NCAM1: variants seen among roughly 807,000 people sequenced by gnomAD.
The protein encoded by NCAM1 is antigen recognized by monoclonal antibody 5.1H11.
NCAM1 carries 14 observed loss-of-function variants against 109.8 expected under a neutral mutation model. The observed-to-expected ratio is 0.13, with a 90% CI of 0.08 to 0.20. NCAM1 has a LOEUF of 0.20. Among genes scored for constraint, NCAM1 ranks in the 10% least tolerant of loss-of-function variants. The pLI, the probability that NCAM1 is intolerant of heterozygous loss-of-function variation, is 1.00. For synonymous variants in NCAM1, 418 were observed against 442.9 expected, an observed-to-expected ratio of 0.94 and a Z score of 0.70; for missense variants, 774 against 1,109.9, an observed-to-expected ratio of 0.70 and a Z score of 4.30.
At chr11:112,989,794 A>T (rs1263625960) in intron 1 of NCAM1, among the ~76,000 whole-genome samples, 3 of 152,152 alleles carry the variant, frequency 2.0e-5, no homozygotes, top group Non-Finnish European at 4.4e-5. Context: ...TATTAGACAA[A>T]ATTATTTAAA....
At chr11:113,221,519 C>A in intron 9 of NCAM1, 194 bp downstream of exon 9, 1 of 518,720 alleles carries the variant, frequency 1.9e-6, no homozygotes, top group Non-Finnish European at 3.4e-6. Flanking sequence ...AGTGGATGAA[C>A]AAATCCATAT....
Position 113,207,874 on chromosome 11 carries a change from A to T in NCAM1, c.788A>T (p.Tyr263Phe), listed in dbSNP as rs782373369. 1.2e-6 allele frequency: 2 copies of T among 1,611,658 alleles called. No individual in the cohort carries two copies. Among genetic ancestry groups the T allele is most frequent in the Non-Finnish European group, 1.7e-6 (2 of 1,178,964 alleles). Residue 263 changes from tyrosine to phenylalanine, a missense_variant, in exon 7 of 20, where the codon TAC (tyrosine) becomes TTC (phenylalanine). By Grantham distance (22) the Tyr-to-Phe change is conservative. This residue lies in a region of NCAM1 where 523 missense variants were observed against 784.2 expected (regional missense o/e 0.67). Coordinates refer to ENST00000316851, the MANE Select transcript of NCAM1 (RefSeq NM_181351.5). ...QIEQEEDDEK[Y>F]IFSDDSSQLT... Reference sequence around the variant, plus strand: ...GAGCAAGAGGAAGACGATGAGAAGTACATCTTCAGCGACGATAGTTCCCAG... The same window carrying T: ...GAGCAAGAGGAAGACGATGAGAAGTTCATCTTCAGCGACGATAGTTCCCAG...
intron 1 of NCAM1, among the ~76,000 whole-genome samples, chr11:113,122,160 C>T (rs535697549): frequency 6.6e-6 from 1 of 152,198 alleles, no homozygotes; most frequent in Non-Finnish European, 1.5e-5. Context: ...CCTGTTCAAT[C>T]TCTAGGTCCT....
At chr11:113,264,900 G>A in intron 17 of NCAM1, 2 of 985,612 alleles carry the variant, frequency 2.0e-6, no homozygotes, top group Non-Finnish European at 2.4e-6. Flanking sequence ...AGTTCCTGGT[G>A]ACAGCTGCAG....
At chr11:112,996,767 G>T (rs1555071490) in intron 1 of NCAM1, among the ~76,000 whole-genome samples, 2 of 152,100 alleles carry the variant, frequency 1.3e-5, no homozygotes, top group East Asian at 3.8e-4. Flanking sequence ...CCCCTAGTTT[G>T]CTACTTTTAG....
intron 1 of NCAM1, among the ~76,000 whole-genome samples, chr11:113,026,811 C>G (rs1952559698): frequency 1.3e-5 from 2 of 152,262 alleles, no homozygotes; most frequent in South Asian, 4.2e-4. Flanking sequence ...CCATGCTGAG[C>G]TGGACGTTTT....
chr11:113,221,390 G>A, intron 9 of NCAM1, 65 bp downstream of exon 9: 1 of 1,498,648 alleles, frequency 6.7e-7, no homozygotes, highest in Non-Finnish European at 9.1e-7. Flanking sequence ...ACTCACCATT[G>A]CAGTTTAATA....
At chr11:113,178,665 A>C (rs1943241998) in intron 1 of NCAM1, among the ~76,000 whole-genome samples, 1 of 152,206 alleles carries the variant, frequency 6.6e-6, no homozygotes, top group African/African-American at 2.4e-5. Context: ...GTTAGGAGGA[A>C]AAGCTCATTG....
At chr11:113,239,028 G>A (rs912243762) in intron 14 of NCAM1, among the ~76,000 whole-genome samples, 4 of 152,200 alleles carry the variant, frequency 2.6e-5, no homozygotes, top group African/African-American at 9.6e-5. Context: ...ACCTTTCCAT[G>A]TTTAGGGACA....
At chr11:112,979,520 A>G (rs1285001772) in intron 1 of NCAM1, among the ~76,000 whole-genome samples, 1 of 151,846 alleles carries the variant, frequency 6.6e-6, no homozygotes, top group Admixed American at 6.6e-5. Context: ...ATAGAAAAAA[A>G]GAAACTGGTT....
chr11:113,058,080 C>G (rs144544343), intron 1 of NCAM1, among the ~76,000 whole-genome samples: 2,028 of 152,056 alleles, frequency 0.013, 42 homozygotes, highest in African/African-American at 0.046. Context: ...GCCACGAGTT[C>G]GAGACCAGCC....
At chr11:112,990,853 C>T (rs915904651) in intron 1 of NCAM1, among the ~76,000 whole-genome samples, 14 of 152,126 alleles carry the variant, frequency 9.2e-5, no homozygotes, top group African/African-American at 3.4e-4. Context: ...TTCTCCTAGG[C>T]CTTGTGCTCC....
chr11:113,141,350 G>T (rs1001001589), intron 1 of NCAM1, among the ~76,000 whole-genome samples: 2 of 152,192 alleles, frequency 1.3e-5, no homozygotes, highest in Non-Finnish European at 2.9e-5. Flanking sequence ...TAGTGAAGCT[G>T]GCCGGGTGCA....
intron 1 of NCAM1, among the ~76,000 whole-genome samples, chr11:113,109,016 C>T (rs545996254): frequency 1.3e-5 from 2 of 149,758 alleles, no homozygotes; most frequent in Admixed American, 6.6e-5. Context: ...CTTGGGCCAC[C>T]GGGCCTGGCT....
intron 1 of NCAM1, among the ~76,000 whole-genome samples, chr11:113,015,232 G>A: frequency 6.6e-6 from 1 of 152,120 alleles, no homozygotes; most frequent in East Asian, 1.9e-4. Context: ...TTGTGCTCTG[G>A]GCCATGTCAC....
At chr11:113,169,062 G>C (rs868917831) in intron 1 of NCAM1, among the ~76,000 whole-genome samples, 1 of 149,412 alleles carries the variant, frequency 6.7e-6, no homozygotes, top group African/African-American at 2.5e-5. Context: ...GTGTGTGTGT[G>C]TGTGTGTGTC....
chr11:113,227,314 A>G (rs1233885659), intron 9 of NCAM1, among the ~76,000 whole-genome samples: 1 of 152,136 alleles, frequency 6.6e-6, no homozygotes, highest in Non-Finnish European at 1.5e-5. Flanking sequence ...CTCTATGCAA[A>G]TAAACTAGAA....
intron 1 of NCAM1, among the ~76,000 whole-genome samples, chr11:113,175,306 T>C (rs1555106850): frequency 6.6e-6 from 1 of 152,236 alleles, no homozygotes. Context: ...CTGTGTGTAC[T>C]GTTTGAATGA....
At chr11:113,224,330 C>T (rs940752919) in intron 9 of NCAM1, among the ~76,000 whole-genome samples, 2 of 152,196 alleles carry the variant, frequency 1.3e-5, no homozygotes, top group Non-Finnish European at 2.9e-5. Flanking sequence ...GAGCCTCGCT[C>T]ATTGCTAGCA....
Sources: gnomAD v4.1 joint callset for allele counts (sites outside exome capture counted in the v4.1 genomes callset) on GRCh38, gnomAD v4.1.1 for gene constraint, gnomAD v4.1.1 regional missense constraint, MANE v1.5 for transcripts, NCBI Gene and HGNC (gene_info 2026-07-23, HGNC 2026-07-21) for gene names.